Variants in FHDC1 observed in about 807,000 individuals in gnomAD.
FHDC1 encodes the protein FH2 domain containing 1, also known as FH2 domain-containing protein 1.
FHDC1 carries 25 observed loss-of-function variants against 52.6 expected under a neutral mutation model. That is an observed-to-expected ratio of 0.48 (90% CI 0.35 to 0.66). The LOEUF (loss-of-function observed/expected upper bound fraction) is 0.66. Among genes scored for constraint, FHDC1 ranks in the 30% least tolerant of loss-of-function variants. FHDC1 has a pLI of 0.01. For missense variants in FHDC1, 1,459 were observed against 1,452.8 expected, an observed-to-expected ratio of 1.00 and a Z score of -0.07; for synonymous variants, 616 against 581.5, an observed-to-expected ratio of 1.06 and a Z score of -0.85.
In FHDC1 at chr4:152,975,383, CTGAG is replaced by C. The variant is rs1443921421; in HGVS notation, c.2096_2099del (p.Ser699ThrfsTer7). The C allele has an allele frequency of 1.2e-6, 2 of 1,613,716 alleles. No individual in the cohort carries two copies. Among genetic ancestry groups the C allele is most frequent in the African/African-American group, 2.7e-5 (2 of 75,070 alleles). On this transcript the variant is annotated frameshift_variant, in exon 12 of 12. Transcript: ENST00000511601. LOFTEE classifies it low-confidence loss of function (END_TRUNC). ...CATGGAGGAGACCTCCCAGCTGACTCTGAGTGACTTCAGCCCGATGGAGCTAGAG... is the reference window on the plus strand; with the variant it reads ...CATGGAGGAGACCTCCCAGCTGACTCTGACTTCAGCCCGATGGAGCTAGAG...
In FHDC1 at chr4:152,974,687, C is replaced by T. The variant is rs142586053; in HGVS notation, c.1396C>T (p.Arg466Trp). Residue 466 changes from arginine (R) to tryptophan (W), a missense_variant, in exon 12 of 12, where the codon CGG becomes TGG. By Grantham distance (101) the Arg-to-Trp change is moderately radical. This residue lies in a region of FHDC1 where 513 missense variants were observed against 581.5 expected (regional missense o/e 0.88). Coordinates refer to ENST00000511601, the MANE Select transcript of FHDC1 (RefSeq NM_001371116.1). The stretch of plus-strand genomic sequence containing the variant: ...CTCCATCCCTCAGGACAACCACGAC[C>T]GGGAGGCGCAGGAGCTGAGGCAGCT... ...FNKAVKDNHD[R>W]EAQELRQLQR... is the part of the protein sequence containing the mutation. 1.4e-3 allele frequency: 2,154 copies of T among 1,510,016 alleles called. 45 individuals are homozygous for T. The South Asian group carries it at 0.025, about 18-fold the overall frequency. The allele number at this position is 1,510,016 out of a possible 1,614,324, so 93.5% of individuals were successfully genotyped here.
the FHDC1 span, among the ~76,000 whole-genome samples, chr4:152,915,459 G>GT: frequency 1.3e-5 from 2 of 152,138 alleles, no homozygotes; most frequent in African/African-American, 2.4e-5. Context: ...ATAAAAATTT[G>GT]TTTTTTTGAT....
chr4:152,938,589 TAC>T (rs1739475228), intron 1 of FHDC1, among the ~76,000 whole-genome samples: 1 of 152,160 alleles, frequency 6.6e-6, no homozygotes, highest in Admixed American at 6.5e-5. Flanking sequence ...CTCTCCCAAA[TAC>T]AATAAAATAG....
chr4:152,943,294 A>G lies in FHDC1; in HGVS notation c.237A>G (p.Leu79=). 11 of 1,256,050 alleles carry G rather than the reference A, an allele frequency of 8.8e-6. No homozygotes were observed. The highest frequency in any genetic ancestry group is 1.1e-5 in the Non-Finnish European group (11 of 978,304). 77.8% of individuals were successfully genotyped at this position (1,256,050 alleles called of 1,614,324 possible). Residue 79 remains leucine, a synonymous_variant, in exon 2 of 12, where the codon CTA becomes CTG. Coordinates refer to ENST00000511601, the MANE Select transcript of FHDC1 (RefSeq NM_001371116.1). Reference sequence around the variant, plus strand: ...CCATCCCACCTCCCCCACCAGGCCTACCCCCAACTACTCACATGAACGGCT... The same window carrying G: ...CCATCCCACCTCCCCCACCAGGCCTGCCCCCAACTACTCACATGAACGGCT... ...EPPIPPPPPG[L]PPTTHMNGYS... is the part of the protein sequence containing the mutation.
the FHDC1 span, chr4:152,927,659 C>T: frequency 1.3e-6 from 2 of 1,592,776 alleles, no homozygotes; most frequent in Non-Finnish European, 1.7e-6. Context: ...GTATGAGGAA[C>T]AGTTCAAATT....
chr4:152,928,202 G>A, the FHDC1 span: 24 of 769,022 alleles, frequency 3.1e-5, no homozygotes, highest in Non-Finnish European at 4.1e-5. Flanking sequence ...CTTCCTTGAG[G>A]CCCCTAGTTT....
At chr4:152,957,088 G>A (rs767123806) in intron 4 of FHDC1, among the ~76,000 whole-genome samples, 19 of 152,184 alleles carry the variant, frequency 1.2e-4, no homozygotes, top group Non-Finnish European at 2.1e-4. Flanking sequence ...TGGAGGATGC[G>A]GAAGAGGCCA....
At chr4:152,936,154 C>A (rs1278579218), upstream of FHDC1, among the ~76,000 whole-genome samples, 2 of 151,974 alleles carry the variant, frequency 1.3e-5, no homozygotes, top group Non-Finnish European at 1.5e-5. Context: ...GTGGCGGTGA[C>A]GGTGGCGCGC....
chr4:152,919,294 T>A, the FHDC1 span, among the ~76,000 whole-genome samples: 1 of 152,192 alleles, frequency 6.6e-6, no homozygotes, highest in African/African-American at 2.4e-5. Flanking sequence ...GGGGAGAAAG[T>A]CCATACAAAT....
chr4:152,947,601 A>G (rs1049825974), intron 2 of FHDC1, among the ~76,000 whole-genome samples: 3 of 152,200 alleles, frequency 2.0e-5, no homozygotes, highest in Non-Finnish European at 2.9e-5. Flanking sequence ...GTATCCTCTA[A>G]AGGAAACAAA....
At chr4:152,953,843 G>A (rs528884219) in intron 3 of FHDC1, among the ~76,000 whole-genome samples, 9 of 152,384 alleles carry the variant, frequency 5.9e-5, no homozygotes, top group Admixed American at 3.3e-4. Flanking sequence ...CTTCAGTGGA[G>A]GTTGGACTGA....
At chr4:152,930,763 G>A in the FHDC1 span, among the ~76,000 whole-genome samples, 26 of 152,020 alleles carry the variant, frequency 1.7e-4, no homozygotes, top group Admixed American at 1.6e-3. Flanking sequence ...TACCATACCC[G>A]AAGTATTTGC....
At chr4:152,918,695 T>C in the FHDC1 span, among the ~76,000 whole-genome samples, 3 of 152,248 alleles carry the variant, frequency 2.0e-5, no homozygotes, top group African/African-American at 7.2e-5. Flanking sequence ...CTGAGCCACG[T>C]TGCTCTGGGT....
At position 152,939,915 on chromosome 4, in the gene FHDC1, G is replaced by A. The variant is rs116882724; in HGVS notation, c.-130-3013G>A. On this transcript the variant is annotated intron_variant, in intron 1 of 11. Coordinates refer to ENST00000511601, the MANE Select transcript of FHDC1 (RefSeq NM_001371116.1). ...ACTTAGCATTTTCCAGACAGAGTGG[G>A]GGCTAATCCCATTGTCCCTACTGGC... 8.5e-4 allele frequency among the ~76,000 whole-genome samples: 129 copies of A among 152,296 alleles called. 2 individuals carry two copies. In the East Asian group the frequency reaches 0.02, roughly 24 times the overall value.
In FHDC1 at chr4:152,949,157, G is replaced by T. The variant is rs1264411051; in HGVS notation, c.499-4342G>T. Among the ~76,000 whole-genome samples, 66 of 150,210 alleles carry T rather than the reference G, an allele frequency of 4.4e-4. 1 individual carries two copies. The highest frequency in any genetic ancestry group is 1.4e-3 in the Admixed American group (21 of 15,034). On this transcript the variant is annotated intron_variant, in intron 2 of 11. Transcript: ENST00000511601. ...AGAAGAAGAAGAAGAAGAAGAAGAAGAAGAAGAAGAAGAAGCAGAAGAAGA... is the reference window on the plus strand; with the variant it reads ...AGAAGAAGAAGAAGAAGAAGAAGAATAAGAAGAAGAAGAAGCAGAAGAAGA...
the FHDC1 span, among the ~76,000 whole-genome samples, chr4:152,916,278 T>C: frequency 1.7e-4 from 26 of 152,310 alleles, 1 homozygote; most frequent in Non-Finnish European, 3.5e-4. Flanking sequence ...CTTATGTTTT[T>C]TTAGGTATGA....
At chr4:152,918,784 TATG>T in the FHDC1 span, among the ~76,000 whole-genome samples, 171 of 152,376 alleles carry the variant, frequency 1.1e-3, 1 homozygote, top group African/African-American at 3.7e-3. Flanking sequence ...CCTAAAATCT[TATG>T]ATACCTGGCT....
upstream of FHDC1, among the ~76,000 whole-genome samples, chr4:152,933,569 C>T (rs1048147984): frequency 1.6e-4 from 25 of 151,678 alleles, no homozygotes; most frequent in African/African-American, 6.1e-4. Context: ...CCTATCTCTA[C>T]TAAAAATACA....
At chr4:152,956,418 A>G (rs28520857) in intron 4 of FHDC1, among the ~76,000 whole-genome samples, 215 of 152,312 alleles carry the variant, frequency 1.4e-3, no homozygotes, top group African/African-American at 5.1e-3. Context: ...ACTGAATACA[A>G]TTTTCTTAAT....
Sources: gnomAD v4.1 joint callset for allele counts (sites outside exome capture counted in the v4.1 genomes callset) on GRCh38, gnomAD v4.1.1 for gene constraint, gnomAD v4.1.1 regional missense constraint, MANE v1.5 for transcripts, NCBI Gene and HGNC (gene_info 2026-07-23, HGNC 2026-07-21) for gene names.